The following ZNF566 variants were observed in gnomAD, a reference collection of about 807,000 sequenced individuals.
ZNF566 encodes the protein zinc finger protein 566.
ZNF566 carries 27 observed loss-of-function variants against 32.8 expected under a neutral mutation model. The ratio of observed to expected loss-of-function variants is 0.82; its 90% CI spans 0.61 to 1.14. The LOEUF (loss-of-function observed/expected upper bound fraction) is 1.14. Among genes scored for constraint, ZNF566 ranks in the 50% most tolerant of loss-of-function variants. ZNF566 has a pLI of 0.00. For missense variants in ZNF566, 402 were observed against 490.4 expected (o/e 0.82, Z 1.70); for synonymous variants, 154 against 159.5 (o/e 0.97, Z 0.26).
chr19:36,450,075 G>T, intron 4 of ZNF566, 74 bp from the exon 5 acceptor site: 2 of 1,221,570 alleles, frequency 1.6e-6, no homozygotes, highest in South Asian at 1.5e-5. Flanking sequence ...CAATATGGGA[G>T]AATTTAACCG....
chr19:36,458,639 G>C (rs1333954436), intron 4 of ZNF566, among the ~76,000 whole-genome samples: 1 of 152,154 alleles, frequency 6.6e-6, no homozygotes, highest in Non-Finnish European at 1.5e-5. Flanking sequence ...GGTAATACCA[G>C]TACAGAACGT....
At chr19:36,473,497 T>A in intron 2 of ZNF566, 39 bp from the exon 3 acceptor site, 1 of 1,500,774 alleles carries the variant, frequency 6.7e-7, no homozygotes. Context: ...ATTAATTTTT[T>A]AAAAAGTACT....
intron 4 of ZNF566, among the ~76,000 whole-genome samples, chr19:36,457,212 T>C (rs768635914): frequency 6.6e-5 from 10 of 152,142 alleles, no homozygotes; most frequent in African/African-American, 9.7e-5. Context: ...AAGAATGAAA[T>C]TGAATTCCTA....
rs995496172 is a variant in ZNF566, at chr19:36,448,832, A to G, written c.*145T>C. On this transcript the variant is annotated 3_prime_UTR_variant, in exon 5 of 5. Coordinates refer to ENST00000452939, the MANE Select transcript of ZNF566 (RefSeq NM_001145344.1). ...ATTCTATTCATAGAGTATTTCTCCA[A>G]CATTATTTTTCCCAGGCTGAATAAG... 2 of 699,794 alleles carry G rather than the reference A, an allele frequency of 2.9e-6. No homozygotes were observed. The highest frequency in any genetic ancestry group is 1.8e-5 in the African/African-American group (1 of 55,230). The allele number at this position is 699,794 out of a possible 1,614,324, so 43.3% of individuals were successfully genotyped here. A position where few individuals can be genotyped will look rare whatever the true frequency, so the allele number is the denominator to read the frequency against.
chr19:36,460,667 TAC>T (rs1359686246), intron 4 of ZNF566, among the ~76,000 whole-genome samples: 1 of 152,134 alleles, frequency 6.6e-6, no homozygotes, highest in African/African-American at 2.4e-5. Flanking sequence ...GCTGAAAACT[TAC>T]AAATTTTGTG....
chr19:36,471,821 C>T lies in ZNF566; in HGVS notation c.232+1090G>A, dbSNP rs564650610. Among the ~76,000 whole-genome samples the T allele has an allele frequency of 3.1e-3, 479 of 152,226 alleles. 1 individual carries two copies. Among genetic ancestry groups the T allele is most frequent in the African/African-American group, 0.011 (469 of 41,530 alleles). ...GCAGTGGCGTAATCTTGGCTCACTG[C>T]AACCTCCACCTCCTGGGTACAAGTG... On this transcript the variant is annotated intron_variant, in intron 4 of 4. Transcript: ENST00000452939.
Position 36,473,357 on chromosome 19 carries a change from C to T in ZNF566, c.111G>A (p.Glu37=). The change falls in exon 3 of 5, where the codon GAG becomes GAA. Residue 37 remains glutamate, a synonymous_variant. Coordinates refer to ENST00000452939, the MANE Select transcript of ZNF566 (RefSeq NM_001145344.1). The stretch of plus-strand genomic sequence containing the variant: ...CCATTGAAACCAGGTTGCTGTAATT[C>T]TCCAACATCACATCTCTGTATAAAT... ...QRDLYRDVML[E]NYSNLVSMGH... The T allele has an allele frequency of 6.2e-7, 1 of 1,614,068 alleles. No individual in the cohort carries two copies. Among genetic ancestry groups the T allele is most frequent in the Non-Finnish European group, 8.5e-7 (1 of 1,179,966 alleles).
rs2033032190 is a variant in ZNF566 at position 36,447,751 on chromosome 19, CT to C, written c.*1225del. On this transcript the variant is annotated 3_prime_UTR_variant, in exon 5 of 5. Coordinates refer to ENST00000452939, the MANE Select transcript of ZNF566 (RefSeq NM_001145344.1). ...TCCTTCACACACATTATTCACAGTA[CT>C]TTCCCCCCCAACACCTAGGATTATT... 6.6e-6 allele frequency: 1 copy of C among 152,068 alleles called. No homozygotes were observed. Among genetic ancestry groups the C allele is most frequent in the Non-Finnish European group, 1.5e-5 (1 of 68,032 alleles). The allele number at this position is 152,068 out of a possible 1,614,324, so 9.4% of individuals were successfully genotyped here. A position where few individuals can be genotyped will look rare whatever the true frequency, so the allele number is the denominator to read the frequency against.
In ZNF566 at chr19:36,486,500, T is replaced by C. The variant is rs1473343387; in HGVS notation, c.-60+2986A>G. On this transcript the variant is annotated intron_variant, in intron 1 of 4. Transcript: ENST00000452939. The stretch of plus-strand genomic sequence containing the variant: ...CAGCCTGACCAATATTGTGAAACCC[T>C]GTGTCTACTAAAAATACAAAATTAG... 1.3e-4 allele frequency among the ~76,000 whole-genome samples: 20 copies of C among 151,952 alleles called. 1 individual carries two copies. Among genetic ancestry groups the C allele is most frequent in the Non-Finnish European group, 5.9e-5 (4 of 67,986 alleles).
rs1444365742 is a variant in ZNF566 at position 36,445,195 on chromosome 19, G to A, written c.*3782C>T. 6.6e-6 allele frequency: 1 copy of A among 151,980 alleles called. No homozygotes were observed. The highest frequency in any genetic ancestry group is 1.5e-5 in the Non-Finnish European group (1 of 68,018). 9.4% of individuals were successfully genotyped at this position (151,980 alleles called of 1,614,324 possible). A position where few individuals can be genotyped will look rare whatever the true frequency, so the allele number is the denominator to read the frequency against. Reference sequence around the variant, plus strand: ...TATATACATACATCTTTATTTCCAAGTAATAAAAGCTATTGAAAAGTGTCA... The same window carrying A: ...TATATACATACATCTTTATTTCCAAATAATAAAAGCTATTGAAAAGTGTCA... On this transcript the variant is annotated 3_prime_UTR_variant, in exon 5 of 5. Coordinates refer to ENST00000452939, the MANE Select transcript of ZNF566 (RefSeq NM_001145344.1).
intron 4 of ZNF566, among the ~76,000 whole-genome samples, chr19:36,452,213 A>G (rs1171217229): frequency 6.6e-6 from 1 of 152,022 alleles, no homozygotes; most frequent in Non-Finnish European, 1.5e-5. Flanking sequence ...AAATTTTTAC[A>G]AGAAATAATT....
chr19:36,477,739 T>C (rs1203750540), intron 1 of ZNF566, among the ~76,000 whole-genome samples: 3 of 151,966 alleles, frequency 2.0e-5, no homozygotes, highest in Non-Finnish European at 4.4e-5. Flanking sequence ...GGTTTCACCA[T>C]GTTGGCCAGG....
At chr19:36,457,207 T>C (rs1158300311) in intron 4 of ZNF566, among the ~76,000 whole-genome samples, 1 of 152,132 alleles carries the variant, frequency 6.6e-6, no homozygotes, top group Non-Finnish European at 1.5e-5. Flanking sequence ...TGCAAAAGAA[T>C]GAAATTGAAT....
intron 4 of ZNF566, among the ~76,000 whole-genome samples, chr19:36,469,493 T>C (rs1420547528): frequency 6.6e-6 from 1 of 151,772 alleles, no homozygotes; most frequent in Non-Finnish European, 1.5e-5. Context: ...TGAGCCGAGA[T>C]CACGCCTTTA....
intron 4 of ZNF566, among the ~76,000 whole-genome samples, chr19:36,458,576 TACAGC>T (rs1314475119): frequency 3.2e-4 from 49 of 152,324 alleles, no homozygotes; most frequent in Admixed American, 2.1e-3. Flanking sequence ...AGATCTAATA[TACAGC>T]ATTATATATT....
chr19:36,464,787 T>A lies in ZNF566; in HGVS notation c.232+8124A>T, dbSNP rs2033572284. On this transcript the variant is annotated intron_variant, in intron 4 of 4. Coordinates refer to ENST00000452939, the MANE Select transcript of ZNF566 (RefSeq NM_001145344.1). ...TGTCTTAAAAAAAAAATTTTGGGAA[T>A]CAAAGTAGAAAATTGGGCTAGGAAG... is the stretch of plus-strand genomic sequence containing the variant. Among the ~76,000 whole-genome samples, 2 of 151,620 alleles carry A rather than the reference T, an allele frequency of 1.3e-5. 1 individual carries two copies. Among genetic ancestry groups the A allele is most frequent in the South Asian group, 4.2e-4 (2 of 4,812 alleles).
chr19:36,481,447 G>A (rs1448445012), intron 1 of ZNF566, among the ~76,000 whole-genome samples: 4 of 144,112 alleles, frequency 2.8e-5, no homozygotes, highest in South Asian at 2.2e-4. Flanking sequence ...CTCCAGCCCC[G>A]GCAACAGAGC....
intron 1 of ZNF566, among the ~76,000 whole-genome samples, chr19:36,478,973 AG>A (rs2033962226): frequency 6.6e-6 from 1 of 152,222 alleles, no homozygotes; most frequent in African/African-American, 2.4e-5. Flanking sequence ...TGAGAGAAAT[AG>A]GAACTGATGA....
At position 36,449,426 on chromosome 19, in the gene ZNF566, A is replaced by G. The variant is rs780519182; in HGVS notation, c.808T>C (p.Phe270Leu). ...CGKAFSSGSN[F>L]TRHQRIHTGE... ...GTGTGAATTCTCTGATGTCGAGTGAAGTTTGAACCACTACTAAAGGCTTTC... is the reference window on the plus strand; with the variant it reads ...GTGTGAATTCTCTGATGTCGAGTGAGGTTTGAACCACTACTAAAGGCTTTC... The change falls in exon 5 of 5, where the codon TTC (phenylalanine) becomes CTC (leucine). Residue 270 changes from phenylalanine to leucine, a missense_variant. Coordinates refer to ENST00000452939, the MANE Select transcript of ZNF566 (RefSeq NM_001145344.1). 1.5e-5 allele frequency: 24 copies of G among 1,613,724 alleles called. No homozygotes were observed. Among genetic ancestry groups the G allele is most frequent in the Non-Finnish European group, 1.8e-5 (21 of 1,179,974 alleles).
Sources: allele counts gnomAD v4.1 joint callset (sites outside exome capture counted in the v4.1 genomes callset), GRCh38; gene constraint gnomAD v4.1.1; transcripts MANE v1.5; gene names NCBI Gene and HGNC (gene_info 2026-07-23, HGNC 2026-07-21).